RELN: variants seen among roughly 807,000 people sequenced by gnomAD.
RELN encodes reelin.
RELN carries 108 observed loss-of-function variants against 427.6 expected under a neutral mutation model. That is an observed-to-expected ratio of 0.25 (90% CI 0.22 to 0.30). RELN has a LOEUF of 0.30. RELN is among the 10% of genes least tolerant of loss of function. RELN has a pLI of 1.00. For missense variants in RELN, 3,715 were observed against 4,302.8 expected (o/e 0.86, Z 3.82); for synonymous variants, 1,524 against 1,513.4 (o/e 1.01, Z -0.16).
chr7:103,777,186 T>C (rs183964687), intron 3 of RELN, among the ~76,000 whole-genome samples: 103 of 152,278 alleles, frequency 6.8e-4, no homozygotes, highest in Non-Finnish European at 1.2e-3. Context: ...TGTATATCTT[T>C]TACTTCTTCC....
chr7:103,974,861 A>G (rs1796838859), intron 1 of RELN, among the ~76,000 whole-genome samples: 3 of 152,248 alleles, frequency 2.0e-5, no homozygotes, highest in Admixed American at 6.5e-5. Flanking sequence ...AGATTGTTTC[A>G]AATTTATTTA....
chr7:103,748,245 G>A (rs1383982313), intron 6 of RELN, among the ~76,000 whole-genome samples: 1 of 151,642 alleles, frequency 6.6e-6, no homozygotes, highest in African/African-American at 2.4e-5. Context: ...TCTTTAAATG[G>A]CATATAAAGT....
At chr7:103,755,368 G>A (rs1584466801) in intron 4 of RELN, among the ~76,000 whole-genome samples, 2 of 152,190 alleles carry the variant, frequency 1.3e-5, no homozygotes, top group East Asian at 3.9e-4. Flanking sequence ...CAGCACTTTG[G>A]GAGGCCGAGA....
At chr7:103,928,134 T>A (rs1028529144) in intron 1 of RELN, among the ~76,000 whole-genome samples, 3 of 152,188 alleles carry the variant, frequency 2.0e-5, no homozygotes, top group Non-Finnish European at 2.9e-5. Flanking sequence ...CTCACAATTA[T>A]CTGTACACAG....
intron 1 of RELN, among the ~76,000 whole-genome samples, chr7:103,979,276 G>C (rs914932910): frequency 4.6e-5 from 7 of 152,192 alleles, no homozygotes; most frequent in Non-Finnish European, 1.0e-4. Context: ...GACAAATCAA[G>C]AAACATTCCT....
At chr7:103,596,160 G>A (rs183434781) in intron 25 of RELN, among the ~76,000 whole-genome samples, 33 of 152,308 alleles carry the variant, frequency 2.2e-4, no homozygotes, top group African/African-American at 7.9e-4. Context: ...ATGGGAAAAT[G>A]AGCGTGGAAC....
intron 3 of RELN, among the ~76,000 whole-genome samples, chr7:103,830,541 A>G (rs1166555639): frequency 6.6e-6 from 1 of 151,894 alleles, no homozygotes; most frequent in East Asian, 1.9e-4. Context: ...TTAGTTTAAT[A>G]TTTAAAATTA....
intron 28 of RELN, among the ~76,000 whole-genome samples, chr7:103,584,711 G>A (rs78654721): frequency 0.033 from 4,946 of 152,126 alleles, 289 homozygotes; most frequent in African/African-American, 0.11. Context: ...ATGCCAAATG[G>A]ACATAACAGA....
In RELN at chr7:103,495,831, G is replaced by A; in HGVS notation, c.9261C>T (p.Gly3087=). Residue 3087 remains glycine, a synonymous_variant, in exon 57 of 65, where the codon GGC becomes GGT. Transcript: ENST00000428762. ...GCCAATAGAGGTGAAAGGATGGATT[G>A]CCACAAAATCCTGCTGTCCTTACAG... ...PNAVRTAGFC[G]NPSFHLYWPN... is the part of the protein sequence containing the mutation. The A allele has an allele frequency of 1.2e-6, 2 of 1,613,968 alleles. No individual in the cohort carries two copies. Among genetic ancestry groups the A allele is most frequent in the Non-Finnish European group, 1.7e-6 (2 of 1,179,946 alleles).
Position 103,653,952 on chromosome 7 carries a change from C to CT in RELN, c.1554+140dup. 6.0e-6 allele frequency: 4 copies of CT among 670,610 alleles called. No individual in the cohort carries two copies. In the South Asian group the frequency reaches 6.4e-5, roughly 11 times the overall value. The allele number at this position is 670,610 out of a possible 1,614,324, so 41.5% of individuals were successfully genotyped here. A position where few individuals can be genotyped will look rare whatever the true frequency, so the allele number is the denominator to read the frequency against. ...TATGAAGGTTAAAATGTCTATTTCA[C>CT]TTTTAAAGAAACCTGGCGACCTCTG... is the stretch of plus-strand genomic sequence containing the variant. On this transcript the variant is annotated intron_variant, in intron 13 of 64. Transcript: ENST00000428762.
intron 3 of RELN, among the ~76,000 whole-genome samples, chr7:103,811,220 G>A (rs1792735543): frequency 6.6e-6 from 1 of 152,184 alleles, no homozygotes; most frequent in African/African-American, 2.4e-5. Context: ...TATCCTGCTT[G>A]TGGGGCAATA....
chr7:103,780,565 CA>C (rs924966482), intron 3 of RELN, among the ~76,000 whole-genome samples: 1 of 152,094 alleles, frequency 6.6e-6, no homozygotes, highest in Non-Finnish European at 1.5e-5. Flanking sequence ...CTCCACCCTC[CA>C]ATAGGCTCCA....
At chr7:103,517,330 T>A (rs1316990523) in intron 49 of RELN, among the ~76,000 whole-genome samples, 2 of 152,292 alleles carry the variant, frequency 1.3e-5, no homozygotes, top group Admixed American at 1.3e-4. Flanking sequence ...ATCTCTATTT[T>A]TTCTTTCCTA....
At chr7:103,763,191 GA>G (rs1330552877) in intron 4 of RELN, among the ~76,000 whole-genome samples, 4 of 152,142 alleles carry the variant, frequency 2.6e-5, no homozygotes, top group Non-Finnish European at 5.9e-5. Context: ...GTTCATCAAT[GA>G]AAAAAGAGTG....
intron 2 of RELN, among the ~76,000 whole-genome samples, chr7:103,855,533 T>C (rs990583550): frequency 6.6e-6 from 1 of 152,238 alleles, no homozygotes; most frequent in African/African-American, 2.4e-5. Context: ...AGGATTCTAT[T>C]ATTAAGAAGA....
chr7:103,828,577 C>T (rs1793198776), intron 3 of RELN, among the ~76,000 whole-genome samples: 1 of 132,618 alleles, frequency 7.5e-6, no homozygotes, highest in South Asian at 2.2e-4. Flanking sequence ...TAATATTATG[C>T]TAGTATCTCT....
chr7:103,860,446 C>A (rs80099691), intron 2 of RELN, among the ~76,000 whole-genome samples: 9,249 of 152,060 alleles, frequency 0.061, 355 homozygotes, highest in East Asian at 0.12. Flanking sequence ...GTAATGAGGA[C>A]TTGTTGAAGA....
chr7:103,647,841 G>A (rs1832829210), intron 16 of RELN, among the ~76,000 whole-genome samples: 1 of 152,104 alleles, frequency 6.6e-6, no homozygotes, highest in South Asian at 2.1e-4. Flanking sequence ...CATGGTACTG[G>A]TATAAAAATA....
Position 103,652,562 on chromosome 7 carries a change from C to A in RELN, c.1752G>T (p.Gln584His). The A allele has an allele frequency of 1.2e-6, 2 of 1,612,494 alleles. No individual in the cohort carries two copies. Among genetic ancestry groups the A allele is most frequent in the Non-Finnish European group, 1.7e-6 (2 of 1,178,966 alleles). The change falls in exon 14 of 65, where the codon CAG (glutamine) becomes CAT (histidine). Residue 584 changes from glutamine (Q) to histidine (H), a missense_variant. By Grantham distance (24) the Gln-to-His change is conservative (BLOSUM62 0). Transcript: ENST00000428762. ...FSINLGCGTH[Q>H]PGNSVSLEFS... is the part of the protein sequence containing the mutation. ...ATAGGGCTTCCTACCTGTTACCAGG[C>A]TGATGCGTTCCACATCCCAGATTGA...
Sources: allele counts gnomAD v4.1 joint callset (sites outside exome capture counted in the v4.1 genomes callset), GRCh38; gene constraint gnomAD v4.1.1; transcripts MANE v1.5; gene names NCBI Gene and HGNC (gene_info 2026-07-23, HGNC 2026-07-21).